The following KANK1 variants were observed in gnomAD, a reference collection of about 807,000 sequenced individuals.
KANK1 encodes KN motif and ankyrin repeat domain-containing protein 1.
In KANK1, 109 loss-of-function variants were observed where a neutral mutation model predicts 106.2. The ratio of observed to expected loss-of-function variants is 1.03; its 90% CI spans 0.88 to 1.20. The LOEUF (loss-of-function observed/expected upper bound fraction) is 1.20, where lower values mean the gene tolerates loss of function less well. KANK1 is among the 50% of genes most tolerant of loss of function. The probability of loss-of-function intolerance (pLI) is 0.00; values close to 1 mark genes in which losing one functional copy is unlikely to be tolerated. For missense variants in KANK1, 2,399 were observed against 1,710.7 expected, an observed-to-expected ratio of 1.40 and a Z score of -7.10; for synonymous variants, 873 against 652.2, an observed-to-expected ratio of 1.34 and a Z score of -5.16.
intron 1 of KANK1, among the ~76,000 whole-genome samples, chr9:664,611 A>G (rs1282217391): frequency 6.6e-6 from 1 of 152,186 alleles, no homozygotes; most frequent in Non-Finnish European, 1.5e-5. Flanking sequence ...TATTTTGTCT[A>G]TTATGGATAG....
At chr9:499,019 T>TA (rs556908563) in intron 3 of KANK1, among the ~76,000 whole-genome samples, 25 of 150,674 alleles carry the variant, frequency 1.7e-4, no homozygotes, top group South Asian at 2.1e-4. Flanking sequence ...CTACTAAAAA[T>TA]AAAAAAAAAT....
chr9:731,234 A>T lies in KANK1; in HGVS notation c.2973A>T (p.Lys991Asn), dbSNP rs1416229421. 6.2e-7 allele frequency: 1 copy of T among 1,609,880 alleles called. No homozygotes were observed. Among genetic ancestry groups the T allele is most frequent in the East Asian group, 2.2e-5 (1 of 44,842 alleles). The change falls in exon 5 of 12, where the codon AAA (lysine) becomes AAT (asparagine). Residue 991 changes from lysine to asparagine, a missense_variant. Coordinates refer to ENST00000382297, the MANE Select transcript of KANK1 (RefSeq NM_015158.5). ...GTAACAAAGATTCAAATGGCGCAAA[A>T]AAGAATCTTCAGTTTGTTGGCATTA... ...KDGNKDSNGA[K>N]KNLQFVGING... is the part of the protein sequence containing the mutation.
intron 1 of KANK1, among the ~76,000 whole-genome samples, chr9:616,274 A>G (rs1200880838): frequency 6.6e-6 from 1 of 152,160 alleles, no homozygotes; most frequent in Non-Finnish European, 1.5e-5. Context: ...TTCAGCAGTC[A>G]CTTCAGTGAG....
At chr9:473,737 G>C (rs1321197324) in intron 3 of KANK1, among the ~76,000 whole-genome samples, 10 of 149,512 alleles carry the variant, frequency 6.7e-5, no homozygotes, top group Non-Finnish European at 1.0e-4. Context: ...GTCTCTCTCT[G>C]TCACCAGGGT....
chr9:614,496 C>G (rs961818539), intron 1 of KANK1, among the ~76,000 whole-genome samples: 9 of 152,124 alleles, frequency 5.9e-5, no homozygotes, highest in Admixed American at 2.6e-4. Context: ...TGACACTGAT[C>G]TTGGTCCTAT....
At chr9:721,211 G>A (rs931665244) in intron 3 of KANK1, among the ~76,000 whole-genome samples, 1 of 152,138 alleles carries the variant, frequency 6.6e-6, no homozygotes, top group Admixed American at 6.6e-5. Context: ...TCCTTTACAG[G>A]GTTCCTAACC....
At chr9:518,029 T>C (rs1298625478) in intron 1 of KANK1, among the ~76,000 whole-genome samples, 4 of 151,598 alleles carry the variant, frequency 2.6e-5, no homozygotes, top group Non-Finnish European at 5.9e-5. Flanking sequence ...TGAGCCACCT[T>C]GCCCGGCCAA....
chr9:697,985 C>T (rs990339315), intron 2 of KANK1, among the ~76,000 whole-genome samples: 4 of 152,164 alleles, frequency 2.6e-5, no homozygotes, highest in African/African-American at 4.8e-5. Flanking sequence ...ACTCGGGACC[C>T]TAGAGGCAAG....
chr9:510,967 T>G (rs2059004510), intron 1 of KANK1, among the ~76,000 whole-genome samples: 1 of 152,216 alleles, frequency 6.6e-6, no homozygotes, highest in African/African-American at 2.4e-5. Flanking sequence ...TACTTAAATT[T>G]GTATTATGTG....
At chr9:615,198 A>C (rs1476403372) in intron 1 of KANK1, among the ~76,000 whole-genome samples, 2 of 152,164 alleles carry the variant, frequency 1.3e-5, no homozygotes, top group African/African-American at 4.8e-5. Context: ...GGCCTTCCAA[A>C]GTGCTGGGAT....
chr9:605,547 T>C (rs1457779564), intron 1 of KANK1, among the ~76,000 whole-genome samples: 1 of 151,410 alleles, frequency 6.6e-6, no homozygotes, highest in Non-Finnish European at 1.5e-5. Context: ...TGGGCAAAGG[T>C]GTAGAGGGGT....
rs192349248 is a variant in KANK1 at position 744,434 on chromosome 9, G to A, written c.3898-57G>A. ...AGGGTGTTTTGTTCTGTTACCTTTC[G>A]GTTGTCTGGAGGTTTGAGAAACCCA... On this transcript the variant is annotated intron_variant, in intron 10 of 11. Coordinates refer to ENST00000382297, the MANE Select transcript of KANK1 (RefSeq NM_015158.5). The A allele has an allele frequency of 4.5e-4, 705 of 1,565,186 alleles. 2 individuals are homozygous for A. The African/African-American group carries it at 7.3e-3, about 16-fold the overall frequency.
chr9:628,560 T>C (rs76354873), intron 1 of KANK1, among the ~76,000 whole-genome samples: 3,810 of 152,308 alleles, frequency 0.025, 156 homozygotes, highest in African/African-American at 0.085. Flanking sequence ...GACCAAAGTT[T>C]AGATTCCCTG....
In KANK1 at chr9:537,010, CCTT is replaced by C. The variant is rs1169574547; in HGVS notation, c.-84+32259_-84+32261del. On this transcript the variant is annotated intron_variant, in intron 1 of 11. Coordinates refer to ENST00000382297, the MANE Select transcript of KANK1 (RefSeq NM_015158.5). ...CCCATTGGAAGACTGGAAGCTACCT[CCTT>C]CTCTCTTTTAGGACAAGGAAGCGAG... is the stretch of plus-strand genomic sequence containing the variant. Among the ~76,000 whole-genome samples, 4 of 152,188 alleles carry C rather than the reference CCTT, an allele frequency of 2.6e-5. No homozygotes were observed. The South Asian group carries it at 6.2e-4, about 24-fold the overall frequency.
rs763000856 is a variant in KANK1, at chr9:712,949, A to G, written c.2183A>G (p.Asn728Ser). ...GGAGAAGGCCGTGTCAAGGACATCA[A>G]CTCCTCCACCAAGACGCGGTCCATT... ...AVGEGRVKDI[N>S]SSTKTRSIGV... Residue 728 changes from asparagine to serine, a missense_variant, in exon 3 of 12, where the codon AAC becomes AGC. Asn to Ser is a conservative substitution (Grantham distance 46). Transcript: ENST00000382297. 26 of 1,613,816 alleles carry G rather than the reference A, an allele frequency of 1.6e-5. No individual in the cohort carries two copies. Among genetic ancestry groups the G allele is most frequent in the Non-Finnish European group, 2.2e-5 (26 of 1,179,994 alleles).
intron 1 of KANK1, among the ~76,000 whole-genome samples, chr9:636,759 C>G (rs1837233121): frequency 6.6e-6 from 1 of 152,162 alleles, no homozygotes; most frequent in Admixed American, 6.5e-5. Flanking sequence ...CCCAGCTACT[C>G]AGGAGGCTGA....
At chr9:693,557 T>G in intron 2 of KANK1, 2 of 985,442 alleles carry the variant, frequency 2.0e-6, no homozygotes, top group Non-Finnish European at 2.4e-6. Context: ...CAGTTTTGTT[T>G]GTTGGTAATT....
chr9:596,689 G>C (rs554854934), intron 1 of KANK1, among the ~76,000 whole-genome samples: 1 of 151,758 alleles, frequency 6.6e-6, no homozygotes, highest in African/African-American at 2.4e-5. Context: ...TTCCCCATTG[G>C]TGTTTTGGTC....
chr9:645,560 T>C (rs980114616), intron 1 of KANK1, among the ~76,000 whole-genome samples: 2 of 150,748 alleles, frequency 1.3e-5, no homozygotes, highest in Non-Finnish European at 2.9e-5. Flanking sequence ...ATTATCAATT[T>C]TTATACATTA....
Sources: gnomAD v4.1 joint callset for allele counts (sites outside exome capture counted in the v4.1 genomes callset) on GRCh38, gnomAD v4.1.1 for gene constraint, MANE v1.5 for transcripts, NCBI Gene and HGNC (gene_info 2026-07-23, HGNC 2026-07-21) for gene names.